LRRC8C: variants seen among roughly 807,000 people sequenced by gnomAD.
LRRC8C encodes the protein leucine rich repeat containing 8 VRAC subunit C.
A neutral mutation model predicts 55.3 loss-of-function variants in LRRC8C; 20 were observed. The observed-to-expected ratio is 0.36, with a 90% CI of 0.25 to 0.53. LRRC8C has a LOEUF of 0.53. Ranked by LOEUF, LRRC8C falls within the 20% of genes least tolerant of loss-of-function variation. LRRC8C has a pLI of 0.92. For synonymous variants in LRRC8C, 376 were observed against 360.7 expected (o/e 1.04, Z -0.48); for missense variants, 659 against 951.4 (o/e 0.69, Z 4.04).
chr1:89,693,568 A>G (rs530556126), intron 2 of LRRC8C, among the ~76,000 whole-genome samples: 35 of 148,426 alleles, frequency 2.4e-4, no homozygotes, highest in African/African-American at 8.3e-4. Context: ...CAGAATACTG[A>G]TGAAATCACA....
intron 1 of LRRC8C, among the ~76,000 whole-genome samples, chr1:89,649,364 T>C (rs920949146): frequency 6.6e-6 from 1 of 152,222 alleles, no homozygotes; most frequent in Admixed American, 6.5e-5. Context: ...TTTAAAGTTC[T>C]AGTTAAATAT....
At chr1:89,657,131 G>A (rs913393408) in intron 1 of LRRC8C, among the ~76,000 whole-genome samples, 2 of 152,050 alleles carry the variant, frequency 1.3e-5, no homozygotes, top group African/African-American at 4.8e-5. Flanking sequence ...TAATGTGACC[G>A]CTTATGACTA....
rs534749662 is a variant in LRRC8C at position 89,681,207 on chromosome 1, G to A, written c.-4-5263G>A. Among the ~76,000 whole-genome samples the A allele has an allele frequency of 7.2e-5, 11 of 152,066 alleles. No individual in the cohort carries two copies. In the South Asian group the frequency reaches 1.5e-3, roughly 20 times the overall value. Reference sequence around the variant, plus strand: ...TGTCGCAAATCACTTAGAAATGACAGCAGCAATGAAAGAGCAATTGATCAA... The same window carrying A: ...TGTCGCAAATCACTTAGAAATGACAACAGCAATGAAAGAGCAATTGATCAA... On this transcript the variant is annotated intron_variant, in intron 1 of 2. Coordinates refer to ENST00000370454, the MANE Select transcript of LRRC8C (RefSeq NM_032270.5).
At chr1:89,634,088 C>T (rs1656214451) in intron 1 of LRRC8C, among the ~76,000 whole-genome samples, 1 of 152,210 alleles carries the variant, frequency 6.6e-6, no homozygotes, top group South Asian at 2.1e-4. Flanking sequence ...CCCCAACCCC[C>T]ACGCCTGCCC....
chr1:89,653,213 G>A (rs1211670920), intron 1 of LRRC8C, among the ~76,000 whole-genome samples: 1 of 152,142 alleles, frequency 6.6e-6, no homozygotes, highest in Non-Finnish European at 1.5e-5. Flanking sequence ...ATTCCAAAGA[G>A]CTCTAACCCC....
In LRRC8C at chr1:89,714,127, G is replaced by A. The variant is rs1439403544; in HGVS notation, c.1557G>A (p.Leu519=). The change falls in exon 3 of 3, where the codon CTG becomes CTA. Residue 519 remains leucine, a synonymous_variant. Coordinates refer to ENST00000370454, the MANE Select transcript of LRRC8C (RefSeq NM_032270.5). The surrounding 1 kb of genome is among the most constrained non-coding windows in gnomAD (Gnocchi z 4.6). ...WMYGLRNLEE[L]YLVGSLSHDI... ...ATGGGCTCCGAAATCTGGAAGAGCT[G>A]TACCTAGTTGGCTCTCTAAGTCATG... is the stretch of plus-strand genomic sequence containing the variant. 5 of 1,614,100 alleles carry A rather than the reference G, an allele frequency of 3.1e-6. No individual in the cohort carries two copies. Among genetic ancestry groups the A allele is most frequent in the Non-Finnish European group, 4.2e-6 (5 of 1,180,002 alleles).
chr1:89,654,237 G>A (rs1448046746), intron 1 of LRRC8C, among the ~76,000 whole-genome samples: 2 of 152,106 alleles, frequency 1.3e-5, no homozygotes, highest in African/African-American at 4.8e-5. Flanking sequence ...GACATAGAGT[G>A]GAATAATAGA....
intron 1 of LRRC8C, among the ~76,000 whole-genome samples, chr1:89,641,362 T>G (rs957741081): frequency 5.9e-5 from 9 of 152,180 alleles, no homozygotes; most frequent in African/African-American, 2.2e-4. Flanking sequence ...AAAATGTGGG[T>G]TCAAGGTCAC....
At chr1:89,650,913 C>G (rs960373655) in intron 1 of LRRC8C, among the ~76,000 whole-genome samples, 2 of 152,180 alleles carry the variant, frequency 1.3e-5, no homozygotes, top group Non-Finnish European at 2.9e-5. Flanking sequence ...TCCAAGCTCT[C>G]AACTTAGATG....
chr1:89,706,793 T>C (rs116389849), intron 2 of LRRC8C, among the ~76,000 whole-genome samples: 3,350 of 152,192 alleles, frequency 0.022, 148 homozygotes, highest in African/African-American at 0.076. Flanking sequence ...CCCTCCCCCA[T>C]AGAAAGCAAA....
intron 1 of LRRC8C, among the ~76,000 whole-genome samples, chr1:89,682,043 G>C (rs1231660706): frequency 2.0e-5 from 3 of 152,134 alleles, no homozygotes; most frequent in African/African-American, 7.2e-5. Flanking sequence ...CAGGCGTGGT[G>C]GCAGGCGCCT....
intron 1 of LRRC8C, among the ~76,000 whole-genome samples, chr1:89,659,471 T>C (rs1657055004): frequency 6.6e-6 from 1 of 152,174 alleles, no homozygotes; most frequent in Admixed American, 6.5e-5. Flanking sequence ...AAGAGTAGGC[T>C]TATAGTACCT....
chr1:89,620,908 C>T, the LRRC8C span, among the ~76,000 whole-genome samples: 1 of 152,212 alleles, frequency 6.6e-6, no homozygotes, highest in Non-Finnish European at 1.5e-5. Flanking sequence ...ATGACGACTC[C>T]TCATTTTCTT....
Position 89,714,345 on chromosome 1 carries a change from C to A in LRRC8C, c.1775C>A (p.Thr592Lys). 7 of 1,614,192 alleles carry A rather than the reference C, an allele frequency of 4.3e-6. No homozygotes were observed. Among genetic ancestry groups the A allele is most frequent in the Non-Finnish European group, 5.9e-6 (7 of 1,180,018 alleles). ...LNNLKKMTNL[T>K]ELELVHCDLE... is the part of the protein sequence containing the mutation. The stretch of plus-strand genomic sequence containing the variant: ...AACTTAAAGAAGATGACCAATCTGA[C>A]AGAGCTGGAGCTGGTCCACTGTGAC... Residue 592 changes from threonine to lysine, a missense_variant, in exon 3 of 3, where the codon ACA becomes AAA. By Grantham distance (78) the Thr-to-Lys change is moderately conservative (BLOSUM62 -1). This residue lies in a region of LRRC8C where 344 missense variants were observed against 464.6 expected (regional missense o/e 0.74). Transcript: ENST00000370454. The surrounding 1 kb of genome is among the most constrained non-coding windows in gnomAD (Gnocchi z 4.6).
the LRRC8C span, among the ~76,000 whole-genome samples, chr1:89,619,819 A>C: frequency 8.5e-5 from 13 of 152,208 alleles, no homozygotes; most frequent in African/African-American, 3.1e-4. Flanking sequence ...AATATTTTAT[A>C]TGTATTAAAT....
At chr1:89,663,769 C>T (rs1252557483) in intron 1 of LRRC8C, among the ~76,000 whole-genome samples, 1 of 152,140 alleles carries the variant, frequency 6.6e-6, no homozygotes, top group Non-Finnish European at 1.5e-5. Context: ...TCCTGTTTCT[C>T]CACATCCTCT....
At chr1:89,711,030 T>G (rs772451171) in intron 2 of LRRC8C, among the ~76,000 whole-genome samples, 2 of 152,238 alleles carry the variant, frequency 1.3e-5, no homozygotes, top group Non-Finnish European at 2.9e-5. Flanking sequence ...CATGACTTTA[T>G]GAAAAGACGG....
chr1:89,642,199 T>C (rs1244606724), intron 1 of LRRC8C, among the ~76,000 whole-genome samples: 1 of 152,234 alleles, frequency 6.6e-6, no homozygotes. Context: ...AGGACGCTTT[T>C]TTCCTCCTCA....
intron 1 of LRRC8C, among the ~76,000 whole-genome samples, chr1:89,684,570 G>A (rs192459432): frequency 6.6e-6 from 1 of 152,262 alleles, no homozygotes; most frequent in Admixed American, 6.5e-5. Flanking sequence ...ATGAATTTGT[G>A]CCATCTGTTA....
Sources: gnomAD v4.1 joint callset for allele counts (sites outside exome capture counted in the v4.1 genomes callset) on GRCh38, gnomAD v4.1.1 for gene constraint, gnomAD v4.1.1 regional missense constraint, Gnocchi (gnomAD v3.1) non-coding constraint, MANE v1.5 for transcripts, NCBI Gene and HGNC (gene_info 2026-07-23, HGNC 2026-07-21) for gene names.